Variants in C8orf34 observed in about 807,000 individuals in gnomAD.
The protein encoded by C8orf34 is uncharacterized protein C8orf34.
A neutral mutation model predicts 68.3 loss-of-function variants in C8orf34; 65 were observed. The observed-to-expected ratio is 0.95, with a 90% CI of 0.78 to 1.17. C8orf34 has a LOEUF of 1.17. Ranked by LOEUF, C8orf34 falls within the 50% of genes most tolerant of loss-of-function variation. The probability of loss-of-function intolerance (pLI) is 0.00; values close to 1 mark genes in which losing one functional copy is unlikely to be tolerated. For synonymous variants in C8orf34, 244 were observed against 241.2 expected (o/e 1.01, Z -0.11); for missense variants, 664 against 655.4 (o/e 1.01, Z -0.14).
intron 10 of C8orf34, among the ~76,000 whole-genome samples, chr8:68,769,922 G>C (rs1321784792): frequency 6.6e-6 from 1 of 152,128 alleles, no homozygotes; most frequent in African/African-American, 2.4e-5. Flanking sequence ...AGTCTCAAGG[G>C]AGCACATGAA....
At chr8:68,818,180 T>C in intron 13 of C8orf34, 59 bp from the exon 14 acceptor site, 1 of 1,570,450 alleles carries the variant, frequency 6.4e-7, no homozygotes, top group East Asian at 2.3e-5. Flanking sequence ...CTTTTTAATA[T>C]GCTATAATGT....
At chr8:68,346,611 C>T (rs1202058963) in intron 1 of C8orf34, among the ~76,000 whole-genome samples, 1 of 152,034 alleles carries the variant, frequency 6.6e-6, no homozygotes, top group Non-Finnish European at 1.5e-5. Flanking sequence ...TCTCTCCCTC[C>T]CCCATAAATC....
intron 12 of C8orf34, chr8:68,791,141 G>A (rs758196505): frequency 2.3e-6 from 1 of 428,014 alleles, no homozygotes; most frequent in Non-Finnish European, 4.1e-6. Context: ...GCCTGAGACT[G>A]GGTAATTGTA....
chr8:68,554,533 A>T (rs1195262701), intron 7 of C8orf34, among the ~76,000 whole-genome samples: 2 of 152,270 alleles, frequency 1.3e-5, no homozygotes, highest in East Asian at 3.9e-4. Flanking sequence ...CTCAGCTGCT[A>T]TTCATGGTCC....
Position 68,684,442 on chromosome 8 carries a change from T to C in C8orf34, c.1242-24552T>C, listed in dbSNP as rs192037989. ...CACAACAAATTCTAGTTGTAAGAAA[T>C]ATTTATAAATTCTGTAGAGTACAAA... On this transcript the variant is annotated intron_variant, in intron 8 of 13. Transcript: ENST00000518698. 2.4e-3 allele frequency among the ~76,000 whole-genome samples: 363 copies of C among 152,288 alleles called. 1 individual carries two copies. The highest frequency in any genetic ancestry group is 2.9e-3 in the Non-Finnish European group (199 of 68,014).
intron 1 of C8orf34, among the ~76,000 whole-genome samples, chr8:68,429,335 A>C (rs1810358350): frequency 6.6e-6 from 1 of 152,240 alleles, no homozygotes; most frequent in African/African-American, 2.4e-5. Context: ...TGGACATGCA[A>C]ATTAAAATCA....
rs1563685507 is a variant in C8orf34, at chr8:68,815,895, A to G, written c.1559A>G (p.Asp520Gly). ...TTCTTTTGTTGTGCAGGTTCCGCTG[A>G]TCTTCTTCTTTGCGTTCCATGCTCT... ...VEAEQEKRSA[D>G]LLLCVPCSSC... The change falls in exon 13 of 14, where the codon GAT becomes GGT. Residue 520 changes from aspartate to glycine, a missense_variant. By Grantham distance (94) the Asp-to-Gly change is moderately conservative. Transcript: ENST00000518698. 1.2e-6 allele frequency: 2 copies of G among 1,613,700 alleles called. No homozygotes were observed. The highest frequency in any genetic ancestry group is 1.3e-5 in the African/African-American group (1 of 74,946).
At chr8:68,641,385 A>G (rs1819005439) in intron 8 of C8orf34, among the ~76,000 whole-genome samples, 1 of 152,222 alleles carries the variant, frequency 6.6e-6, no homozygotes, top group Non-Finnish European at 1.5e-5. Flanking sequence ...TTAGAAAAAT[A>G]GAAAGGACAG....
intron 7 of C8orf34, among the ~76,000 whole-genome samples, chr8:68,618,277 A>G (rs1321288898): frequency 1.3e-5 from 2 of 152,172 alleles, no homozygotes; most frequent in African/African-American, 2.4e-5. Context: ...TATTCTTTAG[A>G]TATTTTGCTC....
At chr8:68,514,061 A>G (rs1008454285) in intron 5 of C8orf34, among the ~76,000 whole-genome samples, 3 of 152,174 alleles carry the variant, frequency 2.0e-5, no homozygotes, top group African/African-American at 7.2e-5. Flanking sequence ...GTTAAAGATG[A>G]GGTTCTTTGT....
intron 4 of C8orf34, among the ~76,000 whole-genome samples, chr8:68,481,910 G>A (rs1812876637): frequency 1.3e-5 from 2 of 152,188 alleles, no homozygotes; most frequent in East Asian, 1.9e-4. Context: ...ATGCTGAAAT[G>A]AGTTAAGATT....
At chr8:68,426,791 C>T (rs1349618897) in intron 1 of C8orf34, among the ~76,000 whole-genome samples, 1 of 151,732 alleles carries the variant, frequency 6.6e-6, no homozygotes, top group African/African-American at 2.4e-5. Context: ...ATCCCTTGAA[C>T]CCAGGAGGTA....
intron 3 of C8orf34, among the ~76,000 whole-genome samples, chr8:68,448,233 G>A (rs1300867126): frequency 6.6e-6 from 1 of 152,096 alleles, no homozygotes; most frequent in Non-Finnish European, 1.5e-5. Flanking sequence ...GGTGCTGCTG[G>A]TGGTCTGGAG....
chr8:68,455,733 T>A (rs1414635224), intron 3 of C8orf34, among the ~76,000 whole-genome samples: 1 of 152,154 alleles, frequency 6.6e-6, no homozygotes, highest in Non-Finnish European at 1.5e-5. Flanking sequence ...AATTTACATC[T>A]ATTTCTTATT....
rs558005217 is a variant in C8orf34, at chr8:68,696,189, T to C, written c.1242-12805T>C. 2.5e-3 allele frequency among the ~76,000 whole-genome samples: 368 copies of C among 149,882 alleles called. 4 individuals carry two copies. The highest frequency in any genetic ancestry group is 8.0e-3 in the African/African-American group (330 of 41,156). On this transcript the variant is annotated intron_variant, in intron 8 of 13. Transcript: ENST00000518698. ...AAGGGGAGAAAAAAAAAGACACTAA[T>C]ATGTGTATATACTTTATGTTATATA...
intron 7 of C8orf34, among the ~76,000 whole-genome samples, chr8:68,582,898 G>C (rs1817107055): frequency 6.6e-6 from 1 of 152,152 alleles, no homozygotes; most frequent in Admixed American, 6.5e-5. Context: ...AAAGATAACT[G>C]GGAAAATCAG....
At chr8:68,389,936 T>G (rs1023916228) in intron 1 of C8orf34, among the ~76,000 whole-genome samples, 12 of 152,118 alleles carry the variant, frequency 7.9e-5, no homozygotes, top group Non-Finnish European at 1.3e-4. Context: ...TTTTGACCTC[T>G]TTTCTAAGGT....
At chr8:68,533,993 T>C in intron 7 of C8orf34, 2 of 917,120 alleles carry the variant, frequency 2.2e-6, no homozygotes, top group Non-Finnish European at 2.6e-6. Flanking sequence ...TTGAAAGCCT[T>C]AAACACGTTT....
chr8:68,377,062 T>A (rs921052099), intron 1 of C8orf34, among the ~76,000 whole-genome samples: 1 of 152,056 alleles, frequency 6.6e-6, no homozygotes, highest in African/African-American at 2.4e-5. Flanking sequence ...AGGAGGAACC[T>A]TCATGGAGCC....
Sources: allele counts gnomAD v4.1 joint callset (sites outside exome capture counted in the v4.1 genomes callset), GRCh38; gene constraint gnomAD v4.1.1; transcripts MANE v1.5; gene names NCBI Gene and HGNC (gene_info 2026-07-23, HGNC 2026-07-21).